The following ZZZ3 variants were observed in gnomAD, a reference collection of about 807,000 sequenced individuals.
The protein encoded by ZZZ3 is zinc finger ZZ-type containing 3.
In ZZZ3, 22 loss-of-function variants were observed where a neutral mutation model predicts 95.2. The observed-to-expected ratio is 0.23, with a 90% CI of 0.17 to 0.33. The LOEUF (loss-of-function observed/expected upper bound fraction) is 0.33, where lower values mean the gene tolerates loss of function less well. Among genes scored for constraint, ZZZ3 ranks in the 10% least tolerant of loss-of-function variants. ZZZ3 has a pLI of 1.00. For synonymous variants in ZZZ3, 335 were observed against 358.9 expected (o/e 0.93, Z 0.75); for missense variants, 885 against 1,066.5 (o/e 0.83, Z 2.37).
At chr1:77,634,727 G>T (rs1274549495) in intron 4 of ZZZ3, among the ~76,000 whole-genome samples, 1 of 152,042 alleles carries the variant, frequency 6.6e-6, no homozygotes, top group Admixed American at 6.6e-5. Flanking sequence ...GAAATGTAAG[G>T]GATATAGAAA....
At chr1:77,653,286 A>G (rs550946854) in intron 1 of ZZZ3, among the ~76,000 whole-genome samples, 3 of 152,186 alleles carry the variant, frequency 2.0e-5, no homozygotes, top group Non-Finnish European at 4.4e-5. Flanking sequence ...GAGGGAGGAA[A>G]TGGTAGAAAG....
At chr1:77,643,154 C>T (rs1159789200) in intron 1 of ZZZ3, among the ~76,000 whole-genome samples, 1 of 151,618 alleles carries the variant, frequency 6.6e-6, no homozygotes, top group Non-Finnish European at 1.5e-5. Context: ...TCACTGCATT[C>T]CAGCCTGGGT....
chr1:77,587,169 G>A (rs1663160778), intron 5 of ZZZ3, among the ~76,000 whole-genome samples: 1 of 151,314 alleles, frequency 6.6e-6, no homozygotes, highest in African/African-American at 2.4e-5. Context: ...GAGGATGGGT[G>A]TATGAGGGTC....
At chr1:77,620,843 TG>T (rs1323238114) in intron 5 of ZZZ3, among the ~76,000 whole-genome samples, 1 of 152,060 alleles carries the variant, frequency 6.6e-6, no homozygotes, top group Non-Finnish European at 1.5e-5. Flanking sequence ...CAGCAGTGAG[TG>T]GGAACACCCA....
In ZZZ3 at chr1:77,676,312, G is replaced by A. The variant is rs541312103; in HGVS notation, c.-403+6273C>T. Among the ~76,000 whole-genome samples the A allele has an allele frequency of 4.8e-4, 73 of 152,192 alleles. No homozygotes were observed. In the South Asian group the frequency reaches 0.014, roughly 29 times the overall value. On this transcript the variant is annotated intron_variant, in intron 1 of 14. Transcript: ENST00000370801. ...CTCCACAGTAGCTGAAAGTACAGGCGCACGCCACCACACCAGGCTAATTTT... is the reference window on the plus strand; with the variant it reads ...CTCCACAGTAGCTGAAAGTACAGGCACACGCCACCACACCAGGCTAATTTT...
chr1:77,626,128 G>T (rs957817585), intron 5 of ZZZ3, among the ~76,000 whole-genome samples: 1 of 152,086 alleles, frequency 6.6e-6, no homozygotes, highest in Non-Finnish European at 1.5e-5. Flanking sequence ...AAAGGAAAAA[G>T]CAAAAAATTC....
chr1:77,619,740 A>C (rs1666664430), intron 5 of ZZZ3, among the ~76,000 whole-genome samples: 1 of 152,180 alleles, frequency 6.6e-6, no homozygotes, highest in African/African-American at 2.4e-5. Context: ...TCATCTGTAA[A>C]CATGAGACTC....
chr1:77,670,595 G>GT (rs747947189), intron 1 of ZZZ3, among the ~76,000 whole-genome samples: 6 of 152,044 alleles, frequency 3.9e-5, no homozygotes, highest in East Asian at 3.9e-4. Context: ...ACATTAACCA[G>GT]TAAGAGCTGC....
chr1:77,581,128 A>G, intron 8 of ZZZ3, 59 bp from the exon 9 acceptor site: 1 of 1,303,776 alleles, frequency 7.7e-7, no homozygotes, highest in Non-Finnish European at 1.1e-6. Context: ...CCTTTGATAT[A>G]GCCAAATAAC....
intron 5 of ZZZ3, among the ~76,000 whole-genome samples, chr1:77,631,032 C>T (rs927798627): frequency 2.6e-5 from 4 of 152,176 alleles, no homozygotes; most frequent in African/African-American, 4.8e-5. Flanking sequence ...TTATGATGAG[C>T]ACTGTGTGTT....
chr1:77,582,477 G>C (rs1662617957), intron 6 of ZZZ3, among the ~76,000 whole-genome samples: 1 of 151,930 alleles, frequency 6.6e-6, no homozygotes, highest in Non-Finnish European at 1.5e-5. Flanking sequence ...TGAACTAGGA[G>C]GAATTTTTTA....
In ZZZ3 at chr1:77,632,449, C is replaced by G; in HGVS notation, c.906G>C (p.Gly302=). ...AAGATGACTGAGTTTCAGAAAAGGG[C>G]CCTGTAGCTGGCTCAGTAGTCAGCT... The part of the protein sequence containing the change: ...VNQLTTEPAT[G]PFSETQSSLR... Residue 302 remains glycine, a synonymous_variant, in exon 5 of 15, where the codon GGG becomes GGC. Transcript: ENST00000370801. The G allele has an allele frequency of 6.2e-7, 1 of 1,614,124 alleles. No homozygotes were observed. The highest frequency in any genetic ancestry group is 1.3e-5 in the African/African-American group (1 of 75,028).
chr1:77,625,264 G>C (rs1015810403), intron 5 of ZZZ3, among the ~76,000 whole-genome samples: 43 of 152,174 alleles, frequency 2.8e-4, no homozygotes, highest in Admixed American at 2.6e-3. Context: ...TTTAGATCTG[G>C]TAACTTACAT....
intron 1 of ZZZ3, among the ~76,000 whole-genome samples, chr1:77,654,567 T>C (rs533810125): frequency 6.6e-6 from 1 of 152,296 alleles, no homozygotes; most frequent in African/African-American, 2.4e-5. Flanking sequence ...CTGGCTTACA[T>C]GTACATAAGG....
intron 3 of ZZZ3, among the ~76,000 whole-genome samples, chr1:77,640,397 G>C (rs1051058695): frequency 1.3e-5 from 2 of 152,032 alleles, no homozygotes; most frequent in Non-Finnish European, 2.9e-5. Context: ...TCAGGAGTTC[G>C]AGACCAGCCT....
chr1:77,590,246 T>C lies in ZZZ3; in HGVS notation c.1506-5591A>G, dbSNP rs1351874814. ...AAAATTAGCTGGACATGGTGGTGCA[T>C]GCCTGTAATCTCAGCTACCTGGGAG... On this transcript the variant is annotated intron_variant, in intron 5 of 14. Coordinates refer to ENST00000370801, the MANE Select transcript of ZZZ3 (RefSeq NM_015534.6). 5.3e-5 allele frequency among the ~76,000 whole-genome samples: 8 copies of C among 152,258 alleles called. 2 individuals are homozygous for C. The Middle Eastern group carries it at 0.024, about 453-fold the overall frequency.
chr1:77,658,126 C>G (rs898938500), intron 1 of ZZZ3, among the ~76,000 whole-genome samples: 1 of 138,430 alleles, frequency 7.2e-6, no homozygotes. Flanking sequence ...TTGCGGCGAG[C>G]TGAGATTACG....
chr1:77,667,761 T>C (rs1671370559), intron 1 of ZZZ3, among the ~76,000 whole-genome samples: 1 of 142,402 alleles, frequency 7.0e-6, no homozygotes, highest in South Asian at 2.3e-4. Context: ...TAAATGGGTA[T>C]TCTTTTTTTT....
chr1:77,604,466 TA>T (rs1354923583), intron 5 of ZZZ3, among the ~76,000 whole-genome samples: 1 of 152,242 alleles, frequency 6.6e-6, no homozygotes, highest in Non-Finnish European at 1.5e-5. Flanking sequence ...ACAATTTTTT[TA>T]AAGTATTTGC....
Sources: allele counts gnomAD v4.1 joint callset (sites outside exome capture counted in the v4.1 genomes callset), GRCh38; gene constraint gnomAD v4.1.1; transcripts MANE v1.5; gene names NCBI Gene and HGNC (gene_info 2026-07-23, HGNC 2026-07-21).